The following MGRN1 variants were observed in gnomAD, a reference collection of about 807,000 sequenced individuals.
The protein encoded by MGRN1 is E3 ubiquitin-protein ligase MGRN1.
In MGRN1, 29 loss-of-function variants were observed where a neutral mutation model predicts 69.2. The ratio of observed to expected loss-of-function variants is 0.42; its 90% CI spans 0.31 to 0.57. The LOEUF (loss-of-function observed/expected upper bound fraction) is 0.57, where lower values mean the gene tolerates loss of function less well. MGRN1 is among the 20% of genes least tolerant of loss of function. MGRN1 has a pLI of 0.15. For missense variants in MGRN1, 998 were observed against 796.2 expected, an observed-to-expected ratio of 1.25 and a Z score of -3.05; for synonymous variants, 470 against 344.2, an observed-to-expected ratio of 1.37 and a Z score of -4.04.
intron 7 of MGRN1, among the ~76,000 whole-genome samples, chr16:4,667,748 C>T (rs1186165355): frequency 6.6e-6 from 1 of 152,172 alleles, no homozygotes; most frequent in South Asian, 2.1e-4. Flanking sequence ...CCCTGGATAC[C>T]GCCGGGTGTG....
At chr16:4,654,225 G>T (rs1475891801) in intron 4 of MGRN1, among the ~76,000 whole-genome samples, 1 of 152,220 alleles carries the variant, frequency 6.6e-6, no homozygotes, top group Non-Finnish European at 1.5e-5. Context: ...TTGGAGTTCT[G>T]TGTTGGGAGC....
chr16:4,668,789 T>G (rs2141937997), intron 8 of MGRN1, among the ~76,000 whole-genome samples: 1 of 150,436 alleles, frequency 6.6e-6, no homozygotes, highest in South Asian at 2.1e-4. Flanking sequence ...TTCATACACA[T>G]ATACACATAC....
At chr16:4,667,377 C>G (rs927980264) in intron 7 of MGRN1, among the ~76,000 whole-genome samples, 3 of 152,204 alleles carry the variant, frequency 2.0e-5, no homozygotes, top group African/African-American at 7.2e-5. Flanking sequence ...TGTGGTGACA[C>G]AAGTGCCCTG....
At chr16:4,656,402 C>T (rs1295791640) in intron 4 of MGRN1, among the ~76,000 whole-genome samples, 1 of 152,216 alleles carries the variant, frequency 6.6e-6, no homozygotes, top group African/African-American at 2.4e-5. Flanking sequence ...GCAGTGTTGA[C>T]GCCTACCCCG....
chr16:4,680,502 G>A (rs1006134185), intron 12 of MGRN1: 2 of 184,248 alleles, frequency 1.1e-5, no homozygotes, highest in Non-Finnish European at 2.3e-5. Flanking sequence ...CTTGGGCTGA[G>A]CTTTTTGGTT....
intron 1 of MGRN1, among the ~76,000 whole-genome samples, chr16:4,631,610 A>G (rs1288821901): frequency 6.6e-6 from 1 of 152,246 alleles, no homozygotes; most frequent in Admixed American, 6.5e-5. Context: ...TTAGACCAGC[A>G]GCACACTGGC....
At chr16:4,637,694 C>T (rs860887) in intron 1 of MGRN1, among the ~76,000 whole-genome samples, 31,040 of 152,224 alleles carry the variant, frequency 0.2, 3,406 homozygotes, top group Middle Eastern at 0.29. Context: ...TGCAGTCCTG[C>T]AGAGCGCCCC....
intron 16 of MGRN1, chr16:4,686,447 A>C: frequency 1.4e-6 from 2 of 1,421,910 alleles, no homozygotes; most frequent in African/African-American, 1.4e-5. Context: ...TGGATTCCGA[A>C]TCCAGAGCTC....
intron 10 of MGRN1, among the ~76,000 whole-genome samples, chr16:4,674,673 G>A (rs1336681832): frequency 9.3e-4 from 93 of 100,440 alleles, no homozygotes; most frequent in African/African-American, 3.4e-3. Context: ...TCGCTCTGTC[G>A]CCCAGGCTGG....
chr16:4,681,426 C>A, intron 12 of MGRN1, 124 bp from the exon 13 acceptor site: 1 of 919,834 alleles, frequency 1.1e-6, no homozygotes, highest in Non-Finnish European at 1.6e-6. Flanking sequence ...CTCTTGGCCA[C>A]CCTCTGAGGG....
Position 4,664,709 on chromosome 16 carries a change from C to G in MGRN1, c.562C>G (p.Leu188Val), listed in dbSNP as rs896267391. Reference protein sequence around the residue: ...IDFSEWKDDELNFDLDRGVFP... With the variant: ...IDFSEWKDDEVNFDLDRGVFP... ...CCATTCTTGGCAACTCTCTCCTCAG[C>G]TGAACTTTGACCTGGACCGGGGCGT... The change falls in exon 6 of 17, where the codon CTG becomes GTG. Residue 188 changes from leucine (L) to valine (V), a missense_variant and splice_region_variant. Physicochemically the swap from Leu to Val is conservative, Grantham distance 32. Transcript: ENST00000262370. The G allele has an allele frequency of 3.1e-6, 5 of 1,614,104 alleles. No individual in the cohort carries two copies. Among genetic ancestry groups the G allele is most frequent in the African/African-American group, 2.7e-5 (2 of 74,934 alleles).
At chr16:4,669,431 C>CAAAAAAAAAAAAAAAAAAAAAAAA (rs58001283) in intron 8 of MGRN1, among the ~76,000 whole-genome samples, 1 of 93,024 alleles carries the variant, frequency 1.1e-5, no homozygotes, top group African/African-American at 4.1e-5. Context: ...AAGACTGTGT[C>CAAAAAAAAAAAAAAAAAAAAAAAA]AAAAAAAAAA....
chr16:4,670,304 A>G (rs2078910763), intron 8 of MGRN1, among the ~76,000 whole-genome samples: 1 of 152,204 alleles, frequency 6.6e-6, no homozygotes, highest in Non-Finnish European at 1.5e-5. Flanking sequence ...GTGCAGTGGC[A>G]TGATCCCAGC....
chr16:4,636,528 G>A (rs1898301450), intron 1 of MGRN1, among the ~76,000 whole-genome samples: 1 of 152,120 alleles, frequency 6.6e-6, no homozygotes, highest in South Asian at 2.1e-4. Flanking sequence ...TTTTATGCCT[G>A]GAGTGGACTT....
chr16:4,628,408 G>A (rs1296931981), intron 1 of MGRN1, among the ~76,000 whole-genome samples: 27 of 151,404 alleles, frequency 1.8e-4, no homozygotes, highest in Non-Finnish European at 5.9e-5. Flanking sequence ...AAAAAAGGAG[G>A]GGACATTGAA....
At chr16:4,662,908 G>T (rs1001240465) in intron 5 of MGRN1, among the ~76,000 whole-genome samples, 3 of 152,212 alleles carry the variant, frequency 2.0e-5, no homozygotes, top group Admixed American at 1.3e-4. Context: ...ATCCGTGGGG[G>T]TGGTTGCTGC....
intron 1 of MGRN1, among the ~76,000 whole-genome samples, chr16:4,628,113 G>A (rs1897787599): frequency 6.7e-6 from 1 of 149,542 alleles, no homozygotes; most frequent in South Asian, 2.1e-4. Flanking sequence ...GTGGGTGGGT[G>A]CGGTGGCTCA....
chr16:4,657,902 C>A (rs974328883), intron 5 of MGRN1, among the ~76,000 whole-genome samples: 7 of 151,676 alleles, frequency 4.6e-5, no homozygotes, highest in Non-Finnish European at 1.0e-4. Flanking sequence ...GCCACCACGC[C>A]CGGCTAATTT....
intron 1 of MGRN1, among the ~76,000 whole-genome samples, chr16:4,635,889 T>G (rs1159102387): frequency 2.0e-5 from 3 of 150,938 alleles, no homozygotes; most frequent in Non-Finnish European, 4.4e-5. Flanking sequence ...CCTTGTGATC[T>G]GCCTGCCTCA....
Sources: allele counts gnomAD v4.1 joint callset (sites outside exome capture counted in the v4.1 genomes callset), GRCh38; gene constraint gnomAD v4.1.1; transcripts MANE v1.5; gene names NCBI Gene and HGNC (gene_info 2026-07-23, HGNC 2026-07-21).